The following ANKDD1A variants were observed in gnomAD, a reference collection of about 807,000 sequenced individuals.
ANKDD1A encodes ankyrin repeat and death domain containing 1A, also known as ankyrin repeat and death domain-containing protein 1A.
In ANKDD1A, 59 loss-of-function variants were observed where a neutral mutation model predicts 63.5. The observed-to-expected ratio is 0.93, with a 90% CI of 0.75 to 1.15. The LOEUF is 1.15. Ranked by LOEUF, ANKDD1A falls within the 50% of genes most tolerant of loss-of-function variation. The pLI, the probability that ANKDD1A is intolerant of heterozygous loss-of-function variation, is 0.00. For synonymous variants in ANKDD1A, 266 were observed against 263.9 expected, an observed-to-expected ratio of 1.01 and a Z score of -0.08; for missense variants, 632 against 656.4, an observed-to-expected ratio of 0.96 and a Z score of 0.41.
At chr15:64,928,150 C>T in intron 6 of ANKDD1A, among the ~76,000 whole-genome samples, 1 of 152,222 alleles carries the variant, frequency 6.6e-6, no homozygotes. Flanking sequence ...CAGTGAGACA[C>T]AGGTAGAGCT....
At chr15:64,954,038 TCC>T (rs2085371256) in intron 14 of ANKDD1A, among the ~76,000 whole-genome samples, 1 of 111,150 alleles carries the variant, frequency 9.0e-6, no homozygotes, top group Admixed American at 1.0e-4. Flanking sequence ...TCTTTCTTCT[TCC>T]TCTTCTTCTT....
chr15:64,922,497 CA>C (rs1452099710), intron 4 of ANKDD1A: 1 of 152,698 alleles, frequency 6.5e-6, no homozygotes, highest in Non-Finnish European at 1.5e-5. Context: ...GTCAGTGGCC[CA>C]TAGGAAAATG....
chr15:64,930,949 G>T (rs1272378811), intron 7 of ANKDD1A, 29 bp downstream of exon 7: 6 of 1,600,682 alleles, frequency 3.7e-6, no homozygotes, highest in Non-Finnish European at 5.1e-6. Flanking sequence ...ATGGCGAGAT[G>T]CATGACCCTT....
chr15:64,955,640 C>G (rs2085410961), intron 14 of ANKDD1A, among the ~76,000 whole-genome samples: 2 of 152,128 alleles, frequency 1.3e-5, no homozygotes, highest in African/African-American at 2.4e-5. Context: ...CATTTGAGCT[C>G]TCCTTCATGT....
chr15:64,945,879 A>G (rs569553183), intron 12 of ANKDD1A, among the ~76,000 whole-genome samples: 8 of 151,360 alleles, frequency 5.3e-5, no homozygotes, highest in Admixed American at 2.6e-4. Context: ...TGATCTGCCC[A>G]CCTCAGCCTC....
At chr15:64,952,308 GTTCTTT>G (rs2085303828) in intron 14 of ANKDD1A, among the ~76,000 whole-genome samples, 1 of 98,278 alleles carries the variant, frequency 1.0e-5, no homozygotes, top group South Asian at 3.4e-4. Context: ...CTCCTCCTTC[GTTCTTT>G]TTCTTTCTTC....
intron 2 of ANKDD1A, among the ~76,000 whole-genome samples, chr15:64,917,138 G>C (rs11858629): frequency 6.6e-6 from 1 of 151,992 alleles, no homozygotes; most frequent in Non-Finnish European, 1.5e-5. Context: ...TATCCTGAGA[G>C]CCATGAGAAA....
At chr15:64,943,334 C>G (rs1025567199) in intron 10 of ANKDD1A, 150 bp from the exon 11 acceptor site, 7 of 681,468 alleles carry the variant, frequency 1.0e-5, no homozygotes, top group African/African-American at 7.1e-5. Flanking sequence ...ATAAGATGAT[C>G]TCATGTATGT....
chr15:64,948,406 G>A (rs1221966649), intron 13 of ANKDD1A, among the ~76,000 whole-genome samples: 3 of 152,162 alleles, frequency 2.0e-5, no homozygotes, highest in Admixed American at 6.5e-5. Context: ...CTTGACTGAA[G>A]TATTCTACAA....
chr15:64,954,396 TCTTC>T (rs759037134), intron 14 of ANKDD1A, among the ~76,000 whole-genome samples: 73 of 148,282 alleles, frequency 4.9e-4, no homozygotes, highest in Non-Finnish European at 8.7e-4. Context: ...TCTTCTTTCT[TCTTC>T]CTTCCTCTTC....
intron 9 of ANKDD1A, among the ~76,000 whole-genome samples, chr15:64,941,498 ATACAAT>A (rs1221593841): frequency 1.3e-5 from 2 of 151,762 alleles, no homozygotes; most frequent in Non-Finnish European, 2.9e-5. Flanking sequence ...CTGTGTAACT[ATACAAT>A]TACATGTCTA....
intron 13 of ANKDD1A, 136 bp from the exon 14 acceptor site, chr15:64,949,705 G>T: frequency 2.3e-6 from 3 of 1,313,340 alleles, no homozygotes; most frequent in Non-Finnish European, 3.1e-6. Context: ...GCATGGAGAA[G>T]GGCCTTGGAG....
intron 9 of ANKDD1A, among the ~76,000 whole-genome samples, chr15:64,941,033 A>G (rs917195518): frequency 1.7e-4 from 26 of 152,162 alleles, no homozygotes; most frequent in African/African-American, 5.6e-4. Context: ...GTGAGCTACC[A>G]CACCTGGCCT....
rs557531003 is a variant in ANKDD1A at position 64,934,666 on chromosome 15, A to ATTTT, written c.867+447_867+450dup. Among the ~76,000 whole-genome samples, 70 of 119,878 alleles carry ATTTT rather than the reference A, an allele frequency of 5.8e-4. 2 individuals are homozygous for ATTTT. Among genetic ancestry groups the ATTTT allele is most frequent in the African/African-American group, 1.9e-3 (60 of 32,096 alleles). The allele number at this position is 119,878 out of a possible 152,430, so 78.6% of individuals were successfully genotyped here. ...AGGCACACACCACCATGCCCAGCTA[A>ATTTT]TTTTTTTTTTTTTTTTTTGTATTTT... On this transcript the variant is annotated intron_variant, in intron 9 of 14. Transcript: ENST00000319580.
In ANKDD1A at chr15:64,935,219, C is replaced by T. The variant is rs1481918198; in HGVS notation, c.867+985C>T. On this transcript the variant is annotated intron_variant, in intron 9 of 14. Coordinates refer to ENST00000319580, the MANE Select transcript of ANKDD1A (RefSeq NM_182703.6). The stretch of plus-strand genomic sequence containing the variant: ...CTCCAGCCTGGGCAAGAGTGAGACT[C>T]TGTCTCAAAAAAAAAAAAAAAAAAA... Among the ~76,000 whole-genome samples the T allele has an allele frequency of 4.0e-5, 4 of 99,830 alleles. No homozygotes were observed. In the East Asian group the frequency reaches 1.2e-3, roughly 29 times the overall value. 65.5% of individuals were successfully genotyped at this position (99,830 alleles called of 152,430 possible).
chr15:64,925,943 C>T, intron 4 of ANKDD1A, 123 bp from the exon 5 acceptor site: 1 of 797,472 alleles, frequency 1.3e-6, no homozygotes, highest in African/African-American at 1.7e-5. Context: ...TCATCATTTA[C>T]AGTGTTGTAT....
intron 9 of ANKDD1A, 35 bp from the exon 10 acceptor site, chr15:64,942,432 G>T (rs1344905546): frequency 3.3e-6 from 5 of 1,533,876 alleles, no homozygotes; most frequent in Non-Finnish European, 4.5e-6. Context: ...TCCTGGGAGG[G>T]ACTGGTCGAT....
At chr15:64,930,943 C>T (rs369169430) in intron 7 of ANKDD1A, 23 bp downstream of exon 7, 169 of 1,603,184 alleles carry the variant, frequency 1.1e-4, no homozygotes, top group Non-Finnish European at 1.3e-4. Flanking sequence ...CTGGGGATGG[C>T]GAGATGCATG....
rs1353711403 is a variant in ANKDD1A at position 64,930,821 on chromosome 15, G to T, written c.571-1G>T. 6.2e-7 allele frequency: 1 copy of T among 1,611,876 alleles called. No individual in the cohort carries two copies. The highest frequency in any genetic ancestry group is 8.5e-7 in the Non-Finnish European group (1 of 1,179,652). On this transcript the variant is annotated splice_acceptor_variant, in intron 6 of 14. Transcript: ENST00000319580. LOFTEE classifies it high-confidence loss of function. ...CCTCTCAGGAGCCCTTTTTCCTGCA[G>T]GAGGGGAACACTGCCCTTCATCTGG...
Sources: allele counts gnomAD v4.1 joint callset (sites outside exome capture counted in the v4.1 genomes callset), GRCh38; gene constraint gnomAD v4.1.1; transcripts MANE v1.5; gene names NCBI Gene and HGNC (gene_info 2026-07-23, HGNC 2026-07-21).